Variants in MTMR10 observed in about 807,000 individuals in gnomAD.
MTMR10 encodes the protein myotubularin related protein 10.
In MTMR10, 56 loss-of-function variants were observed where a neutral mutation model predicts 88.1. That is an observed-to-expected ratio of 0.64 (90% confidence interval 0.51 to 0.79). The LOEUF is 0.79. MTMR10 is among the 30% of genes least tolerant of loss of function. The pLI is 0.00. For synonymous variants in MTMR10, 380 were observed against 340.9 expected (o/e 1.11, Z -1.26); for missense variants, 883 against 924.7 (o/e 0.95, Z 0.58).
intron 6 of MTMR10, among the ~76,000 whole-genome samples, chr15:30,962,357 G>C (rs990972905): frequency 2.3e-4 from 35 of 152,156 alleles, no homozygotes; most frequent in African/African-American, 8.4e-4. Flanking sequence ...CTGCAACTGT[G>C]GCAAGTCTCC....
the MTMR10 span, chr15:30,920,699 G>T: frequency 9.8e-6 from 11 of 1,126,816 alleles, no homozygotes; most frequent in East Asian, 1.7e-4. Context: ...ATGTGATGGC[G>T]TTAAACATGT....
intron 2 of MTMR10, among the ~76,000 whole-genome samples, chr15:30,987,610 T>G (rs914252539): frequency 1.3e-5 from 2 of 152,210 alleles, no homozygotes; most frequent in Non-Finnish European, 1.5e-5. Flanking sequence ...GCAACTGAAG[T>G]AGGATACCCT....
intron 15 of MTMR10, 159 bp downstream of exon 15, chr15:30,942,731 G>A (rs2063096008): frequency 1.4e-6 from 1 of 711,798 alleles, no homozygotes; most frequent in Non-Finnish European, 2.2e-6. Flanking sequence ...GAAGAAAGCT[G>A]GGATACAGTC....
At chr15:30,962,088 G>A (rs930742552) in intron 6 of MTMR10, among the ~76,000 whole-genome samples, 1 of 152,154 alleles carries the variant, frequency 6.6e-6, no homozygotes, top group Non-Finnish European at 1.5e-5. Context: ...AAGCTCATCA[G>A]GTTCCTTGTT....
Position 30,939,040 on chromosome 15 carries a change from CTCAAG to C in MTMR10, c.*2425_*2429del, listed in dbSNP as rs2062950663. ...CATCTTCTTGCTCATCCCACTTGAA[CTCAAG>C]TCATCAATTTTAGGCACAAAGGTTT... On this transcript the variant is annotated 3_prime_UTR_variant, in exon 16 of 16. Transcript: ENST00000435680. 3.0e-6 allele frequency: 3 copies of C among 985,406 alleles called. No homozygotes were observed. In the South Asian group the frequency reaches 1.4e-4, roughly 46 times the overall value. The allele number at this position is 985,406 out of a possible 1,614,324, so 61.0% of individuals were successfully genotyped here.
At chr15:30,948,589 G>C (rs2099282645) in intron 12 of MTMR10, 118 bp from the exon 13 acceptor site, 1 of 1,018,346 alleles carries the variant, frequency 9.8e-7, no homozygotes, top group Non-Finnish European at 1.4e-6. Context: ...TTCCAAATCT[G>C]TATAAGGAAA....
chr15:30,966,858 CTTTTTTT>C (rs76851097), intron 6 of MTMR10, among the ~76,000 whole-genome samples: 2 of 131,086 alleles, frequency 1.5e-5, no homozygotes, highest in African/African-American at 2.9e-5. Context: ...ACTGTATTTT[CTTTTTTT>C]TTTTTTTTTG....
downstream of MTMR10, among the ~76,000 whole-genome samples, chr15:30,938,220 T>C (rs1208796707): frequency 2.0e-5 from 3 of 152,102 alleles, no homozygotes; most frequent in African/African-American, 7.2e-5. Flanking sequence ...ATAACCAGTG[T>C]TTCCTTCAAG....
At chr15:30,972,286 C>G (rs1030001391) in intron 5 of MTMR10, among the ~76,000 whole-genome samples, 1 of 152,112 alleles carries the variant, frequency 6.6e-6, no homozygotes, top group African/African-American at 2.4e-5. Context: ...AGCCGTCAAG[C>G]TTTGGTAGCC....
chr15:30,970,687 G>A (rs991883199), intron 5 of MTMR10, among the ~76,000 whole-genome samples: 5 of 152,110 alleles, frequency 3.3e-5, no homozygotes, highest in Admixed American at 6.6e-5. Flanking sequence ...CATTGATCAT[G>A]GACATCCTTT....
intron 2 of MTMR10, among the ~76,000 whole-genome samples, chr15:30,987,953 A>G (rs1466083464): frequency 6.8e-6 from 1 of 147,498 alleles, no homozygotes; most frequent in Non-Finnish European, 1.5e-5. Flanking sequence ...GCATCCCTGT[A>G]TATAGCCACA....
chr15:30,931,779 TTGTC>T, the MTMR10 span, among the ~76,000 whole-genome samples: 4 of 152,158 alleles, frequency 2.6e-5, no homozygotes, highest in African/African-American at 7.2e-5. Flanking sequence ...ATTGATCTGT[TTGTC>T]TGTATTTCTT....
rs1041385650 is a variant in MTMR10, at chr15:30,947,416, T to C, written c.1378-116A>G. 2.4e-6 allele frequency: 3 copies of C among 1,226,482 alleles called. No individual in the cohort carries two copies. In the African/African-American group the frequency reaches 4.6e-5, roughly 19 times the overall value. 76.0% of individuals were successfully genotyped at this position (1,226,482 alleles called of 1,614,324 possible). ...AGATGAATGAGAAAACATCGAAGCC[T>C]AAAACACTTGCCTTCTAAGCTGAGC... On this transcript the variant is annotated intron_variant, in intron 13 of 15. Coordinates refer to ENST00000435680, the MANE Select transcript of MTMR10 (RefSeq NM_017762.3).
the MTMR10 span, among the ~76,000 whole-genome samples, chr15:30,919,336 C>T: frequency 5.8e-5 from 8 of 138,604 alleles, no homozygotes; most frequent in Non-Finnish European, 1.2e-4. Flanking sequence ...GCTGAGATCA[C>T]GCCATTGCAC....
At chr15:30,976,715 A>T in intron 3 of MTMR10, 104 bp downstream of exon 3, 1 of 1,276,086 alleles carries the variant, frequency 7.8e-7, no homozygotes. Flanking sequence ...TGCATTACCT[A>T]ATACTTCTAC....
intron 3 of MTMR10, among the ~76,000 whole-genome samples, chr15:30,976,565 T>G (rs951087050): frequency 6.6e-6 from 1 of 151,136 alleles, no homozygotes; most frequent in Non-Finnish European, 1.5e-5. Context: ...ACTTCCTTAA[T>G]GAAAAGGACA....
At chr15:30,951,864 A>C (rs776027509) in intron 12 of MTMR10, 104 bp downstream of exon 12, 2 of 982,832 alleles carry the variant, frequency 2.0e-6, no homozygotes, top group African/African-American at 3.2e-5. Context: ...TGTAGTAAAT[A>C]AGAAATAGCT....
the MTMR10 span, chr15:30,926,778 A>G: frequency 4.1e-6 from 4 of 985,428 alleles, no homozygotes; most frequent in Non-Finnish European, 4.8e-6. Context: ...GGGAGCGCTG[A>G]AATGCTTTCA....
In MTMR10 at chr15:30,943,251, C is replaced by G. The variant is rs946039700; in HGVS notation, c.1549-179G>C. ...GCTCCTGGCCTTTGAGCTCAGAGGG[C>G]CCCACAGTCCCCATGAACAAGGAGT... On this transcript the variant is annotated intron_variant, in intron 14 of 15. Transcript: ENST00000435680. 42 of 1,356,532 alleles carry G rather than the reference C, an allele frequency of 3.1e-5. No individual in the cohort carries two copies. The African/African-American group carries it at 4.7e-4, about 15-fold the overall frequency. The allele number at this position is 1,356,532 out of a possible 1,614,324, so 84.0% of individuals were successfully genotyped here.
Sources: allele counts gnomAD v4.1 joint callset (sites outside exome capture counted in the v4.1 genomes callset), GRCh38; gene constraint gnomAD v4.1.1; transcripts MANE v1.5; gene names NCBI Gene and HGNC (gene_info 2026-07-23, HGNC 2026-07-21).